NPIPB2: variants seen among roughly 807,000 people sequenced by gnomAD.
NPIPB2 encodes the protein nuclear pore complex-interacting protein family member B2.
NPIPB2 carries 27 observed loss-of-function variants against 30.8 expected under a neutral mutation model. The observed-to-expected ratio is 0.88, with a 90% CI of 0.65 to 1.21. The LOEUF (loss-of-function observed/expected upper bound fraction) is 1.21, where lower values mean the gene tolerates loss of function less well. Among genes scored for constraint, NPIPB2 ranks in the 50% most tolerant of loss-of-function variants. The pLI, the probability that NPIPB2 is intolerant of heterozygous loss-of-function variation, is 0.00. For missense variants in NPIPB2, 440 were observed against 446.2 expected, an observed-to-expected ratio of 0.99 and a Z score of 0.13; for synonymous variants, 147 against 162.0, an observed-to-expected ratio of 0.91 and a Z score of 0.70.
At position 11,951,625 on chromosome 16, in the gene NPIPB2, TACACAC is replaced by T. The variant is rs1214348316; in HGVS notation, c.-583-9517_-583-9512del. On this transcript the variant is annotated intron_variant, in intron 1 of 5. Transcript: ENST00000538896. The stretch of plus-strand genomic sequence containing the variant: ...TACAGATGGACACTGCACATACACA[TACACAC>T]ACACACACACACACACACACACACA... Among the ~76,000 whole-genome samples, 214 of 95,900 alleles carry T rather than the reference TACACAC, an allele frequency of 2.2e-3. 2 individuals carry two copies. The highest frequency in any genetic ancestry group is 0.013 in the Admixed American group (124 of 9,646). 62.9% of individuals were successfully genotyped at this position (95,900 alleles called of 152,430 possible).
At chr16:11,949,416 T>C (rs1021875844) in intron 1 of NPIPB2, among the ~76,000 whole-genome samples, 1 of 152,124 alleles carries the variant, frequency 6.6e-6, no homozygotes, top group Admixed American at 6.6e-5. Context: ...CCACCCAGGC[T>C]CATGTGACAC....
intron 1 of NPIPB2, among the ~76,000 whole-genome samples, chr16:11,941,579 C>G (rs527763347): frequency 2.0e-4 from 30 of 146,650 alleles, no homozygotes; most frequent in African/African-American, 6.5e-4. Context: ...GGCAAGGGAG[C>G]GTGAGGCTTA....
intron 1 of NPIPB2, among the ~76,000 whole-genome samples, chr16:11,970,534 T>C (rs559080613): frequency 1.3e-5 from 1 of 74,358 alleles, no homozygotes; most frequent in South Asian, 3.1e-4. Context: ...AAAATCAGCA[T>C]TTTTTTTTTC....
chr16:11,943,123 C>T (rs1319812860), upstream of NPIPB2, among the ~76,000 whole-genome samples: 1 of 151,634 alleles, frequency 6.6e-6, no homozygotes, highest in Non-Finnish European at 1.5e-5. Context: ...AGTTCCAGAC[C>T]AGCCTGGCCA....
intron 1 of NPIPB2, among the ~76,000 whole-genome samples, chr16:11,949,580 T>C (rs1596499763): frequency 2.6e-5 from 4 of 152,308 alleles, no homozygotes; most frequent in Admixed American, 6.5e-5. Flanking sequence ...TGAGAAAATA[T>C]ACAGCAGCCC....
chr16:11,953,712 ATTTT>A (rs36103994), intron 1 of NPIPB2, among the ~76,000 whole-genome samples: 5 of 75,528 alleles, frequency 6.6e-5, no homozygotes, highest in African/African-American at 1.8e-4. Flanking sequence ...ATTTACTTTA[ATTTT>A]TTTTTTTTTT....
chr16:11,951,402 T>C (rs1188153495), intron 1 of NPIPB2, among the ~76,000 whole-genome samples: 6 of 130,164 alleles, frequency 4.6e-5, no homozygotes, highest in African/African-American at 1.8e-4. Flanking sequence ...AAGCGGAGCT[T>C]GCAGTGAGCC....
At chr16:11,933,477 A>G in intron 4 of NPIPB2, 40 bp downstream of exon 4, 1 of 1,596,160 alleles carries the variant, frequency 6.3e-7, no homozygotes. Context: ...TGATTGGCAC[A>G]TGGTTCATAC....
intron 4 of NPIPB2, among the ~76,000 whole-genome samples, chr16:11,932,405 GC>G: frequency 6.6e-6 from 1 of 150,464 alleles, no homozygotes; most frequent in East Asian, 2.0e-4. Flanking sequence ...ACACTGGGAG[GC>G]TGAGGTAGGC....
intron 1 of NPIPB2, among the ~76,000 whole-genome samples, chr16:11,958,558 C>A (rs1186109504): frequency 2.6e-5 from 4 of 151,968 alleles, no homozygotes; most frequent in African/African-American, 9.7e-5. Context: ...AGCAAGACCC[C>A]CATCTTTGCA....
At chr16:11,947,322 T>TTATTTATTTA (rs144577397) in intron 1 of NPIPB2, among the ~76,000 whole-genome samples, 56 of 119,946 alleles carry the variant, frequency 4.7e-4, no homozygotes, top group Non-Finnish European at 6.1e-4. Context: ...ATTTATTTAT[T>TTATTTATTTA]TATATATATA....
chr16:11,947,318 TTATTTA>T (rs1189352941), intron 1 of NPIPB2, among the ~76,000 whole-genome samples: 2 of 47,614 alleles, frequency 4.2e-5, no homozygotes, highest in East Asian at 4.3e-4. Flanking sequence ...ATTTATTTAT[TTATTTA>T]TATATATATA....
At position 11,955,862 on chromosome 16, in the gene NPIPB2, A is replaced by T. The variant is rs574915197; in HGVS notation, c.-583-13748T>A. The stretch of plus-strand genomic sequence containing the variant: ...TGCTTGGAGAGAAACGTTTAATCCC[A>T]CTCCACGTATCCCCTCTGGAACTTG... On this transcript the variant is annotated intron_variant, in intron 1 of 5. Coordinates refer to the NPIPB2 transcript ENST00000538896. Among the ~76,000 whole-genome samples the T allele has an allele frequency of 1.8e-5, 2 of 112,906 alleles. 1 individual carries two copies. The highest frequency in any genetic ancestry group is 6.1e-4 in the South Asian group (2 of 3,292). 74.1% of individuals were successfully genotyped at this position (112,906 alleles called of 152,430 possible).
chr16:11,959,380 A>C (rs1319006845), intron 1 of NPIPB2, among the ~76,000 whole-genome samples: 1 of 152,154 alleles, frequency 6.6e-6, no homozygotes, highest in Non-Finnish European at 1.5e-5. Context: ...CCAGGAATTC[A>C]AGACTTGTCT....
At chr16:11,933,544 T>C (rs772694192) in exon 4 of NPIPB2, 12 of 1,597,128 alleles carry the variant, frequency 7.5e-6, no homozygotes, top group Admixed American at 1.7e-5. Flanking sequence ...CCTCTTTCCA[T>C]TGATTTTGTC....
At chr16:11,931,548 T>G (rs546516479) in intron 4 of NPIPB2, among the ~76,000 whole-genome samples, 1 of 152,294 alleles carries the variant, frequency 6.6e-6, no homozygotes, top group East Asian at 1.9e-4. Context: ...GTGTGTGTGG[T>G]GAGGTGCTGA....
At chr16:11,958,230 A>G (rs1362446105) in intron 1 of NPIPB2, among the ~76,000 whole-genome samples, 1 of 151,950 alleles carries the variant, frequency 6.6e-6, no homozygotes, top group Non-Finnish European at 1.5e-5. Flanking sequence ...GTTCAAGACT[A>G]GCCTGGCCAA....
intron 1 of NPIPB2, among the ~76,000 whole-genome samples, chr16:11,954,258 G>A (rs758145919): frequency 3.3e-5 from 5 of 151,994 alleles, no homozygotes; most frequent in Non-Finnish European, 5.9e-5. Context: ...AGAGTGAGGT[G>A]GGAGGATCAC....
chr16:11,975,817 C>G (rs745677850), intron 1 of NPIPB2, among the ~76,000 whole-genome samples: 68 of 152,120 alleles, frequency 4.5e-4, no homozygotes, highest in Non-Finnish European at 8.8e-4. Flanking sequence ...AATCGAACTT[C>G]TGACCTCAGG....
Sources: gnomAD v4.1 joint callset for allele counts (sites outside exome capture counted in the v4.1 genomes callset) on GRCh38, gnomAD v4.1.1 for gene constraint, MANE v1.5 for transcripts, NCBI Gene and HGNC (gene_info 2026-07-23, HGNC 2026-07-21) for gene names.